Variants in DDX24 observed in about 807,000 individuals in gnomAD.
DDX24 encodes ATP-dependent RNA helicase DDX24.
In DDX24, 24 loss-of-function variants were observed where a neutral mutation model predicts 68.9. The ratio of observed to expected loss-of-function variants is 0.35; its 90% CI spans 0.25 to 0.49. The LOEUF is 0.49. Among genes scored for constraint, DDX24 ranks in the 20% least tolerant of loss-of-function variants. The probability of loss-of-function intolerance (pLI) is 0.99; values close to 1 mark genes in which losing one functional copy is unlikely to be tolerated. For synonymous variants in DDX24, 395 were observed against 385.2 expected (o/e 1.03, Z -0.30); for missense variants, 989 against 1,039.0 (o/e 0.95, Z 0.66).
chr14:94,080,222 C>A (rs935717567), intron 1 of DDX24, among the ~76,000 whole-genome samples: 1 of 152,158 alleles, frequency 6.6e-6, no homozygotes, highest in Non-Finnish European at 1.5e-5. Context: ...GAGGGGTGAG[C>A]TTTATTAAAA....
At chr14:94,052,074 GCTCA>G (rs1885398541) in intron 8 of DDX24, among the ~76,000 whole-genome samples, 3 of 152,246 alleles carry the variant, frequency 2.0e-5, no homozygotes, top group Admixed American at 6.5e-5. Flanking sequence ...ACCAGAAATA[GCTCA>G]CTGTCATCAA....
rs774835066 is a variant in DDX24 at position 94,050,747 on chromosome 14, T to C, written c.*444A>G. 1.7e-4 allele frequency: 27 copies of C among 160,978 alleles called. No homozygotes were observed. Among genetic ancestry groups the C allele is most frequent in the Non-Finnish European group, 3.1e-4 (23 of 74,514 alleles). 10.0% of individuals were successfully genotyped at this position (160,978 alleles called of 1,614,324 possible). ...TTGAACATTCCAGCCTCTTGCTCCA[T>C]TCACACTGTCCAATCTTGGCCTGCA... On this transcript the variant is annotated 3_prime_UTR_variant, in exon 9 of 9. Transcript: ENST00000621632.
chr14:94,074,088 T>C (rs1885888737), intron 2 of DDX24, among the ~76,000 whole-genome samples: 1 of 150,090 alleles, frequency 6.7e-6, no homozygotes, highest in South Asian at 2.2e-4. Flanking sequence ...ATATCTCTAA[T>C]CTATTAAACA....
In DDX24 at chr14:94,053,117, C is replaced by T. The variant is rs138256125; in HGVS notation, c.2189G>A (p.Arg730His). The change falls in exon 8 of 9, where the codon CGT becomes CAT. Residue 730 changes from arginine to histidine, a missense_variant. Physicochemically the swap from Arg to His is conservative, Grantham distance 29. Coordinates refer to ENST00000621632, the MANE Select transcript of DDX24 (RefSeq NM_020414.4). Reference sequence around the variant, plus strand: ...AGATTTCTCAATCTGTCGAGCTAAACGGATTCGCTCCTGGGGGGAAGTAAC... The same window carrying T: ...AGATTTCTCAATCTGTCGAGCTAAATGGATTCGCTCCTGGGGGGAAGTAAC... ...KYMDVVKERI[R>H]LARQIEKSEY... The T allele has an allele frequency of 8.9e-5, 143 of 1,613,988 alleles. 1 individual carries two copies. Among genetic ancestry groups the T allele is most frequent in the East Asian group, 6.9e-4 (31 of 44,888 alleles).
chr14:94,069,664 T>G (rs958525971), intron 2 of DDX24, among the ~76,000 whole-genome samples: 1 of 152,186 alleles, frequency 6.6e-6, no homozygotes, highest in Non-Finnish European at 1.5e-5. Context: ...TAACCCACCA[T>G]GATCAAGTGG....
At chr14:94,062,898 G>T (rs1370029011) in intron 2 of DDX24, among the ~76,000 whole-genome samples, 2 of 152,176 alleles carry the variant, frequency 1.3e-5, no homozygotes, top group African/African-American at 2.4e-5. Flanking sequence ...GAGAGAAAGG[G>T]CAAGTTTTGG....
At chr14:94,063,322 G>A (rs887516472) in intron 2 of DDX24, among the ~76,000 whole-genome samples, 13 of 139,372 alleles carry the variant, frequency 9.3e-5, no homozygotes, top group Non-Finnish European at 1.4e-4. Flanking sequence ...ACAGACACAT[G>A]AAACTTTTGA....
At position 94,055,197 on chromosome 14, in the gene DDX24, G is replaced by C. The variant is rs771827163; in HGVS notation, c.1990-13C>G. 43 of 1,609,578 alleles carry C rather than the reference G, an allele frequency of 2.7e-5. No homozygotes were observed. The highest frequency in any genetic ancestry group is 5.1e-6 in the Non-Finnish European group (6 of 1,177,058). ...AGGTACGTGGGACCTGCCACAGGAA[G>C]AACTGGGAGATCAATACATGGCCAC... On this transcript the variant is annotated splice_polypyrimidine_tract_variant and intron_variant, in intron 6 of 8. Coordinates refer to ENST00000621632, the MANE Select transcript of DDX24 (RefSeq NM_020414.4).
chr14:94,055,658 C>T (rs11549775), intron 6 of DDX24: 84,464 of 160,222 alleles, frequency 0.53, 25,644 homozygotes, highest in East Asian at 0.94. Flanking sequence ...CTTTTCAATA[C>T]AGTACTTTAA....
chr14:94,055,052 T>C lies in DDX24; in HGVS notation c.2122A>G (p.Lys708Glu), dbSNP rs1885465288. Residue 708 changes from lysine (K) to glutamate (E), a missense_variant, in exon 7 of 9, where the codon AAA becomes GAA. Around this residue, in one of 3 missense-constraint regions of DDX24, gnomAD observed 691 missense variants for 760.0 expected, o/e 0.91. Coordinates refer to ENST00000621632, the MANE Select transcript of DDX24 (RefSeq NM_020414.4). ...GGGAACAGTGGGATATCCTCATCTTTCTTGAGCGTTTTGTAAATCTTCTTA... is the reference window on the plus strand; with the variant it reads ...GGGAACAGTGGGATATCCTCATCTTCCTTGAGCGTTTTGTAAATCTTCTTA... ...NFKKIYKTLKKDEDIPLFPVQ... is the reference protein window; with the variant it reads ...NFKKIYKTLKEDEDIPLFPVQ... The C allele has an allele frequency of 6.2e-7, 1 of 1,614,232 alleles. No homozygotes were observed. Among genetic ancestry groups the C allele is most frequent in the East Asian group, 2.2e-5 (1 of 44,888 alleles).
At chr14:94,077,199 C>A (rs939579546) in intron 2 of DDX24, among the ~76,000 whole-genome samples, 2 of 152,200 alleles carry the variant, frequency 1.3e-5, no homozygotes, top group African/African-American at 4.8e-5. Flanking sequence ...GGATTTTCGA[C>A]TGCACAGGGG....
At chr14:94,063,793 C>G (rs1885642988) in intron 2 of DDX24, among the ~76,000 whole-genome samples, 1 of 152,148 alleles carries the variant, frequency 6.6e-6, no homozygotes, top group African/African-American at 2.4e-5. Context: ...GTCTTCGAAA[C>G]TTGGGAGGCT....
At chr14:94,056,942 G>C (rs1201778475) in intron 6 of DDX24, 1 of 152,206 alleles carries the variant, frequency 6.6e-6, no homozygotes, top group East Asian at 1.9e-4. Context: ...CTCTGAAACA[G>C]CAGCCTAAAA....
intron 1 of DDX24, among the ~76,000 whole-genome samples, chr14:94,080,824 C>T (rs1243983429): frequency 6.6e-6 from 1 of 152,238 alleles, no homozygotes; most frequent in Non-Finnish European, 1.5e-5. Context: ...GGGCCTCTGT[C>T]TCCTCGTGAC....
At chr14:94,077,963 C>T (rs1020168982) in intron 2 of DDX24, among the ~76,000 whole-genome samples, 1 of 151,288 alleles carries the variant, frequency 6.6e-6, no homozygotes, top group South Asian at 2.1e-4. Flanking sequence ...ATGTGTTTCA[C>T]ATTATACAGT....
At position 94,051,045 on chromosome 14, in the gene DDX24, A is replaced by G; in HGVS notation, c.*146T>C. 1 of 882,654 alleles carries G rather than the reference A, an allele frequency of 1.1e-6. No homozygotes were observed. The allele number at this position is 882,654 out of a possible 1,614,324, so 54.7% of individuals were successfully genotyped here. On this transcript the variant is annotated 3_prime_UTR_variant, in exon 9 of 9. Transcript: ENST00000621632. The stretch of plus-strand genomic sequence containing the variant: ...CTCCAAAACAATGCAAATCTGCATG[A>G]GGTCTCTCCCGCTATGGGTGTGAGT...
At chr14:94,064,498 G>C (rs1391091836) in intron 2 of DDX24, among the ~76,000 whole-genome samples, 1 of 152,210 alleles carries the variant, frequency 6.6e-6, no homozygotes, top group African/African-American at 2.4e-5. Flanking sequence ...AGAGGGACTG[G>C]AGACTGAGCT....
intron 5 of DDX24, among the ~76,000 whole-genome samples, chr14:94,059,415 C>T (rs574545586): frequency 1.3e-5 from 2 of 152,168 alleles, no homozygotes; most frequent in Non-Finnish European, 2.9e-5. Context: ...CACTTCCAGG[C>T]AGAGAAACCT....
At position 94,079,354 on chromosome 14, in the gene DDX24, T is replaced by C. The variant is rs1302729814; in HGVS notation, c.389A>G (p.Asp130Gly). 2 of 1,613,948 alleles carry C rather than the reference T, an allele frequency of 1.2e-6. No homozygotes were observed. The highest frequency in any genetic ancestry group is 1.3e-5 in the African/African-American group (1 of 74,864). ...CTCCGGATCATCACAAACCATGTCA[T>C]CTCCCTGGGCCTCCAGCTCAGGATC... The part of the protein sequence containing the change: ...VKDPELEAQG[D>G]DMVCDDPEAG... Residue 130 changes from aspartate (D) to glycine (G), a missense_variant, in exon 2 of 9, where the codon GAT becomes GGT. Physicochemically the swap from Asp to Gly is moderately conservative, Grantham distance 94. Around this residue, in one of 3 missense-constraint regions of DDX24, gnomAD observed 295 missense variants for 263.0 expected, o/e 1.12. Coordinates refer to ENST00000621632, the MANE Select transcript of DDX24 (RefSeq NM_020414.4).
Sources: allele counts gnomAD v4.1 joint callset (sites outside exome capture counted in the v4.1 genomes callset), GRCh38; gene constraint gnomAD v4.1.1; regional missense constraint gnomAD v4.1.1; transcripts MANE v1.5; gene names NCBI Gene and HGNC (gene_info 2026-07-23, HGNC 2026-07-21).